NFIA: variants seen among roughly 807,000 people sequenced by gnomAD.
NFIA encodes the protein nuclear factor 1 A-type.
NFIA carries 8 observed loss-of-function variants against 62.8 expected under a neutral mutation model. The ratio of observed to expected loss-of-function variants is 0.13; its 90% CI spans 0.07 to 0.23. The LOEUF (loss-of-function observed/expected upper bound fraction) is 0.23, where lower values mean the gene tolerates loss of function less well. Among genes scored for constraint, NFIA ranks in the 10% least tolerant of loss-of-function variants. The pLI is 1.00. For synonymous variants in NFIA, 235 were observed against 238.1 expected, an observed-to-expected ratio of 0.99 and a Z score of 0.12; for missense variants, 410 against 642.1, an observed-to-expected ratio of 0.64 and a Z score of 3.91.
chr1:61,086,772 A>C (rs1557554407), intron 1 of NFIA, among the ~76,000 whole-genome samples: 1 of 152,188 alleles, frequency 6.6e-6, no homozygotes, highest in African/African-American at 2.4e-5. Flanking sequence ...ACATTTAAAA[A>C]TTTAGTAATT....
intron 2 of NFIA, among the ~76,000 whole-genome samples, chr1:61,134,167 T>G (rs550885627): frequency 6.6e-6 from 1 of 152,168 alleles, no homozygotes; most frequent in Non-Finnish European, 1.5e-5. Context: ...TTTGTGGGTT[T>G]TTTTGATGAT....
At chr1:61,256,287 T>A (rs1656388643) in intron 2 of NFIA, among the ~76,000 whole-genome samples, 2 of 151,596 alleles carry the variant, frequency 1.3e-5, no homozygotes, top group South Asian at 4.2e-4. Flanking sequence ...ACAAAAAAAA[T>A]TATCTGGGTG....
At chr1:61,080,913 CT>C (rs1646086945), upstream of NFIA, among the ~76,000 whole-genome samples, 1 of 152,152 alleles carries the variant, frequency 6.6e-6, no homozygotes, top group African/African-American at 2.4e-5. Flanking sequence ...ACAGTATTTC[CT>C]GCCCCTTGCT....
chr1:61,241,901 T>G (rs1557657013), intron 2 of NFIA, among the ~76,000 whole-genome samples: 1 of 152,086 alleles, frequency 6.6e-6, no homozygotes, highest in African/African-American at 2.4e-5. Context: ...AAATAATTCT[T>G]TAGAAAGGGG....
intron 2 of NFIA, among the ~76,000 whole-genome samples, chr1:61,238,026 T>C (rs1304080227): frequency 1.3e-5 from 2 of 152,216 alleles, no homozygotes; most frequent in Admixed American, 1.3e-4. Flanking sequence ...GGTCATGCAT[T>C]TCACAAATTA....
At position 61,311,368 on chromosome 1, in the gene NFIA, G is replaced by T. The variant is rs368919504; in HGVS notation, c.626-21144G>T. On this transcript the variant is annotated intron_variant, in intron 3 of 10. Coordinates refer to ENST00000403491, the MANE Select transcript of NFIA (RefSeq NM_001134673.4). ...ATCGCGACATTGCACTCCAGCCTGG[G>T]CAACAAAAGTGAAACTCCGTCTCAA... Among the ~76,000 whole-genome samples, 17 of 151,670 alleles carry T rather than the reference G, an allele frequency of 1.1e-4. No homozygotes were observed. In the East Asian group the frequency reaches 2.7e-3, roughly 24 times the overall value.
At chr1:61,317,370 C>T (rs903593308) in intron 3 of NFIA, among the ~76,000 whole-genome samples, 7 of 151,856 alleles carry the variant, frequency 4.6e-5, no homozygotes, top group African/African-American at 1.7e-4. Flanking sequence ...AATGCTTGGC[C>T]TCTATAGATA....
chr1:61,333,731 CTCACGCTTGTAA>C (rs1438361995), intron 4 of NFIA, among the ~76,000 whole-genome samples: 1 of 152,206 alleles, frequency 6.6e-6, no homozygotes, highest in Admixed American at 6.5e-5. Flanking sequence ...GGCACGGTGG[CTCACGCTTGTAA>C]TCCCAGCACT....
chr1:61,157,630 G>A (rs764961549), intron 2 of NFIA, among the ~76,000 whole-genome samples: 8 of 152,126 alleles, frequency 5.3e-5, no homozygotes, highest in Admixed American at 1.3e-4. Context: ...ATAGCTGTAG[G>A]CCACATTTAA....
intron 2 of NFIA, among the ~76,000 whole-genome samples, chr1:61,178,971 TG>T (rs1650576194): frequency 6.6e-6 from 1 of 152,212 alleles, no homozygotes; most frequent in Non-Finnish European, 1.5e-5. Flanking sequence ...CATGCCTCAT[TG>T]TTTAACTGAG....
Position 61,399,054 on chromosome 1 carries a change from A to G in NFIA, c.1076-5050A>G, listed in dbSNP as rs540587948. On this transcript the variant is annotated intron_variant, in intron 7 of 10. Coordinates refer to ENST00000403491, the MANE Select transcript of NFIA (RefSeq NM_001134673.4). ...TGCCGTATTACAAATTTTTACTTCT[A>G]ATTATGAGTAGTCAAGAGTTCTTAA... Among the ~76,000 whole-genome samples, 7 of 152,184 alleles carry G rather than the reference A, an allele frequency of 4.6e-5. No homozygotes were observed. In the South Asian group the frequency reaches 1.5e-3, roughly 32 times the overall value.
chr1:61,267,499 A>T (rs1657246939), intron 2 of NFIA, among the ~76,000 whole-genome samples: 1 of 152,118 alleles, frequency 6.6e-6, no homozygotes, highest in South Asian at 2.1e-4. Flanking sequence ...ACAAAGGGAG[A>T]CTTCGTCTCA....
rs1657381128 is a variant in NFIA, at chr1:61,269,467, G to A, written c.560-8053G>A. Among the ~76,000 whole-genome samples the A allele has an allele frequency of 2.6e-5, 4 of 152,144 alleles. No homozygotes were observed. In the South Asian group the frequency reaches 8.3e-4, roughly 31 times the overall value. Reference sequence around the variant, plus strand: ...TAGGAAATCCAATGCCTGTACAAAAGTTATTTATGATAGAAGGTGACAAAG... The same window carrying A: ...TAGGAAATCCAATGCCTGTACAAAAATTATTTATGATAGAAGGTGACAAAG... On this transcript the variant is annotated intron_variant, in intron 2 of 10. Transcript: ENST00000403491.
intron 3 of NFIA, among the ~76,000 whole-genome samples, chr1:61,279,863 G>A (rs928065141): frequency 1.3e-5 from 2 of 152,154 alleles, no homozygotes; most frequent in African/African-American, 4.8e-5. Flanking sequence ...TTGGCCAAAG[G>A]CAGAGAGATA....
intron 2 of NFIA, chr1:61,250,038 G>A (rs1473320162): frequency 2.0e-5 from 3 of 152,124 alleles, no homozygotes; most frequent in Admixed American, 2.0e-4. Context: ...AAAGCATATG[G>A]AAGTTTCAAA....
At chr1:61,435,823 G>T (rs1667302139) in intron 10 of NFIA, among the ~76,000 whole-genome samples, 1 of 152,170 alleles carries the variant, frequency 6.6e-6, no homozygotes, top group African/African-American at 2.4e-5. Context: ...AATAGGATCT[G>T]CCATATTCTT....
At chr1:61,196,940 TGCGC>T (rs1198725552) in intron 2 of NFIA, among the ~76,000 whole-genome samples, 1 of 112,204 alleles carries the variant, frequency 8.9e-6, no homozygotes, top group Non-Finnish European at 1.9e-5. Flanking sequence ...TGTGTGTGTG[TGCGC>T]GCGCGCGCTG....
At chr1:61,221,406 A>G (rs1654009437) in intron 2 of NFIA, among the ~76,000 whole-genome samples, 1 of 152,090 alleles carries the variant, frequency 6.6e-6, no homozygotes, top group Non-Finnish European at 1.5e-5. Flanking sequence ...TGTGGAAGGA[A>G]ATCCTACTTT....
intron 2 of NFIA, among the ~76,000 whole-genome samples, chr1:61,212,895 A>C (rs1349158978): frequency 2.6e-5 from 4 of 152,096 alleles, no homozygotes; most frequent in African/African-American, 9.7e-5. Flanking sequence ...TTTTTTACTA[A>C]AGTGTGCAGC....
Sources: allele counts gnomAD v4.1 joint callset (sites outside exome capture counted in the v4.1 genomes callset), GRCh38; gene constraint gnomAD v4.1.1; transcripts MANE v1.5; gene names NCBI Gene and HGNC (gene_info 2026-07-23, HGNC 2026-07-21).